The following TMPRSS11F variants were observed in gnomAD, a reference collection of about 807,000 sequenced individuals.
TMPRSS11F encodes the protein transmembrane protease serine 11F.
In TMPRSS11F, 47 loss-of-function variants were observed where a neutral mutation model predicts 60.2. The ratio of observed to expected loss-of-function variants is 0.78; its 90% CI spans 0.62 to 1.00. The LOEUF (loss-of-function observed/expected upper bound fraction) is 1.00, where lower values mean the gene tolerates loss of function less well. TMPRSS11F is among the 50% of genes least tolerant of loss of function. The pLI is 0.00. For synonymous variants in TMPRSS11F, 166 were observed against 167.3 expected, an observed-to-expected ratio of 0.99 and a Z score of 0.06; for missense variants, 519 against 522.9, an observed-to-expected ratio of 0.99 and a Z score of 0.07.
chr4:68,117,754 C>T (rs187842851), intron 1 of TMPRSS11F, among the ~76,000 whole-genome samples: 2 of 152,114 alleles, frequency 1.3e-5, no homozygotes, highest in East Asian at 3.9e-4. Flanking sequence ...TATTAATTAC[C>T]ATTGATACTT....
At chr4:68,057,282 C>CAAAA (rs869035642) in intron 9 of TMPRSS11F, among the ~76,000 whole-genome samples, 2 of 56,954 alleles carry the variant, frequency 3.5e-5, no homozygotes, top group African/African-American at 5.7e-5. Context: ...GAGACTGTCT[C>CAAAA]AAAAAAAAAA....
At chr4:68,119,990 T>C (rs185307153) in intron 1 of TMPRSS11F, among the ~76,000 whole-genome samples, 5 of 152,286 alleles carry the variant, frequency 3.3e-5, no homozygotes, top group Admixed American at 2.6e-4. Flanking sequence ...TGGAAGAAGT[T>C]GATTCCAACT....
At position 68,074,619 on chromosome 4, in the gene TMPRSS11F, G is replaced by A. The variant is rs1251593692; in HGVS notation, c.283-610C>T. Among the ~76,000 whole-genome samples the A allele has an allele frequency of 3.3e-5, 5 of 152,150 alleles. No individual in the cohort carries two copies. In the East Asian group the frequency reaches 9.6e-4, roughly 29 times the overall value. On this transcript the variant is annotated intron_variant, in intron 3 of 9. Transcript: ENST00000356291. ...CCTCACTTGTTAGTCATCTCTATGA[G>A]AGACAGGATTTCACAACTGGTACTA...
intron 1 of TMPRSS11F, among the ~76,000 whole-genome samples, chr4:68,106,250 G>A (rs1577931690): frequency 1.3e-5 from 2 of 152,158 alleles, no homozygotes; most frequent in Non-Finnish European, 2.9e-5. Context: ...ATGGCAGTGG[G>A]ATTCCCTTTG....
At chr4:68,067,252 T>A (rs1424939201) in intron 7 of TMPRSS11F, among the ~76,000 whole-genome samples, 1 of 152,218 alleles carries the variant, frequency 6.6e-6, no homozygotes, top group African/African-American at 2.4e-5. Flanking sequence ...TTTAAAAATT[T>A]ACTGCATCTA....
intron 5 of TMPRSS11F, among the ~76,000 whole-genome samples, chr4:68,072,014 C>T (rs751712421): frequency 6.6e-6 from 1 of 151,540 alleles, no homozygotes; most frequent in East Asian, 1.9e-4. Flanking sequence ...GCTTCTTTAC[C>T]TGTAAAATGG....
At chr4:68,095,700 A>G (rs1724059285) in intron 2 of TMPRSS11F, among the ~76,000 whole-genome samples, 1 of 152,116 alleles carries the variant, frequency 6.6e-6, no homozygotes, top group South Asian at 2.1e-4. Flanking sequence ...GTTAGAGATC[A>G]GCCTCACCAA....
At chr4:68,100,138 A>G (rs1414033112) in intron 1 of TMPRSS11F, among the ~76,000 whole-genome samples, 2 of 152,046 alleles carry the variant, frequency 1.3e-5, no homozygotes, top group East Asian at 3.9e-4. Context: ...GGGTAAAAAC[A>G]TAAATAAAAC....
At chr4:68,118,584 G>A (rs1190789288) in intron 1 of TMPRSS11F, among the ~76,000 whole-genome samples, 6 of 152,086 alleles carry the variant, frequency 3.9e-5, no homozygotes, top group Non-Finnish European at 5.9e-5. Context: ...CATAAGCTTG[G>A]TAAGTAATTC....
chr4:68,103,895 CT>C (rs1724245353), intron 1 of TMPRSS11F, among the ~76,000 whole-genome samples: 1 of 151,936 alleles, frequency 6.6e-6, no homozygotes, highest in Non-Finnish European at 1.5e-5. Flanking sequence ...AGGTATATTA[CT>C]TTTTAAATTT....
chr4:68,059,581 A>T, intron 8 of TMPRSS11F, 113 bp from the exon 9 acceptor site: 1 of 1,015,974 alleles, frequency 9.8e-7, no homozygotes, highest in Non-Finnish European at 1.4e-6. Flanking sequence ...TTTTATTAAC[A>T]TTAGCTATCA....
At chr4:68,120,446 T>C (rs1577937775) in intron 1 of TMPRSS11F, among the ~76,000 whole-genome samples, 1 of 145,340 alleles carries the variant, frequency 6.9e-6, no homozygotes, top group South Asian at 2.2e-4. Flanking sequence ...TGGAGTGCAG[T>C]GGCGGGATCT....
chr4:68,097,296 A>C (rs1264826652), intron 2 of TMPRSS11F, among the ~76,000 whole-genome samples: 1 of 152,228 alleles, frequency 6.6e-6, no homozygotes, highest in Non-Finnish European at 1.5e-5. Context: ...CTAAAATCAA[A>C]AAGTTGGCAG....
chr4:68,060,822 C>T (rs776603055), intron 8 of TMPRSS11F, among the ~76,000 whole-genome samples: 45 of 151,588 alleles, frequency 3.0e-4, no homozygotes, highest in Non-Finnish European at 5.7e-4. Flanking sequence ...CAGAATTTCA[C>T]GGTCTTTTTG....
intron 7 of TMPRSS11F, 124 bp downstream of exon 7, chr4:68,068,494 A>G: frequency 1.4e-6 from 1 of 718,340 alleles, no homozygotes; most frequent in Non-Finnish European, 2.4e-6. Context: ...CATTTAGGGG[A>G]CAGCTAGGTC....
Position 68,064,732 on chromosome 4 carries a change from G to T in TMPRSS11F, c.968C>A (p.Pro323His), listed in dbSNP as rs1723285671. The change falls in exon 8 of 10, where the codon CCT becomes CAT. Residue 323 changes from proline to histidine, a missense_variant. Pro to His is a moderately conservative substitution (Grantham distance 77, BLOSUM62 -2). Transcript: ENST00000356291. ...CLPDSSIKLP[P>H]KTSVFVTGFG... ...TCCTGTGACGAACACACTTGTTTTA[G>T]GTGGCAACTTTATAGATGAGTCTGG... 2 of 1,613,982 alleles carry T rather than the reference G, an allele frequency of 1.2e-6. No homozygotes were observed. Among genetic ancestry groups the T allele is most frequent in the African/African-American group, 2.7e-5 (2 of 74,900 alleles).
Position 68,074,009 on chromosome 4 carries a change from T to G in TMPRSS11F, c.283A>C (p.Met95Leu), listed in dbSNP as rs772309257. The change falls in exon 4 of 10, where the codon ATG (methionine) becomes CTG (leucine). Residue 95 changes from methionine to leucine, a missense_variant and splice_region_variant. By Grantham distance (15) the Met-to-Leu change is conservative. Transcript: ENST00000356291. ...IERSHQIERM[M>L]SRIFRHSSVG... Reference sequence around the variant, plus strand: ...GAAGAATGTCGAAATATCCTAGACATCTGATTTTTAAAAAATAAGTATTAG... The same window carrying G: ...GAAGAATGTCGAAATATCCTAGACAGCTGATTTTTAAAAAATAAGTATTAG... 7.1e-6 allele frequency: 11 copies of G among 1,541,466 alleles called. No individual in the cohort carries two copies. The highest frequency in any genetic ancestry group is 2.2e-5 in the Admixed American group (1 of 45,798).
At chr4:68,075,000 T>A (rs551873108) in intron 3 of TMPRSS11F, among the ~76,000 whole-genome samples, 2 of 152,280 alleles carry the variant, frequency 1.3e-5, no homozygotes, top group South Asian at 2.1e-4. Context: ...ATTAAAAAAT[T>A]TTTTTAAAAA....
intron 1 of TMPRSS11F, among the ~76,000 whole-genome samples, chr4:68,127,291 G>A (rs1445784762): frequency 2.6e-5 from 4 of 151,968 alleles, no homozygotes; most frequent in South Asian, 2.1e-4. Context: ...CAGTTATTAC[G>A]TATTCAAAGA....
Sources: gnomAD v4.1 joint callset for allele counts (sites outside exome capture counted in the v4.1 genomes callset) on GRCh38, gnomAD v4.1.1 for gene constraint, MANE v1.5 for transcripts, NCBI Gene and HGNC (gene_info 2026-07-23, HGNC 2026-07-21) for gene names.